Variants in PCDHGB5 observed in about 807,000 individuals in gnomAD.
PCDHGB5 encodes protocadherin gamma subfamily B, 5, also known as protocadherin gamma-B5.
Under a neutral mutation model 62.9 loss-of-function variants are expected in PCDHGB5, and 48 were observed. The ratio of observed to expected loss-of-function variants is 0.76; its 90% CI spans 0.61 to 0.97. The LOEUF is 0.97. Among genes scored for constraint, PCDHGB5 ranks in the 50% least tolerant of loss-of-function variants. The pLI is 0.00. For missense variants in PCDHGB5, 1,118 were observed against 1,198.6 expected, an observed-to-expected ratio of 0.93 and a Z score of 0.99; for synonymous variants, 474 against 511.2, an observed-to-expected ratio of 0.93 and a Z score of 0.98.
chr5:141,410,410 A>G, intron 1 of PCDHGB5: 1 of 1,613,986 alleles, frequency 6.2e-7, no homozygotes, highest in Non-Finnish European at 8.5e-7. Context: ...TCAAGTCTGG[A>G]CCTGTAGTTC....
chr5:141,476,507 A>G lies in PCDHGB5; in HGVS notation c.2398-18300A>G. 1 of 1,614,102 alleles carries G rather than the reference A, an allele frequency of 6.2e-7. No individual in the cohort carries two copies. The highest frequency in any genetic ancestry group is 8.5e-7 in the Non-Finnish European group (1 of 1,180,008). On this transcript the variant is annotated intron_variant, in intron 1 of 3. Transcript: ENST00000617380. This position sits in a 1 kb window ranked among gnomAD's most constrained non-coding sequence, Gnocchi z 7.6. Reference sequence around the variant, plus strand: ...AGTGGTGATCCAGGACATCAACGACAACAATCCTGCTTTCCCTACCCAGGA... The same window carrying G: ...AGTGGTGATCCAGGACATCAACGACGACAATCCTGCTTTCCCTACCCAGGA...
Position 141,443,643 on chromosome 5 carries a change from A to C in PCDHGB5, c.2397+43119A>C, listed in dbSNP as rs188777289. The stretch of plus-strand genomic sequence containing the variant: ...GTGATTGTAAAAATTGATCCAGATA[A>C]TGTTAGCATAGCATTTTACTGAACT... On this transcript the variant is annotated intron_variant, in intron 1 of 3. Coordinates refer to ENST00000617380, the MANE Select transcript of PCDHGB5 (RefSeq NM_018925.3). Among the ~76,000 whole-genome samples, 238 of 152,370 alleles carry C rather than the reference A, an allele frequency of 1.6e-3. 2 individuals are homozygous for C. The highest frequency in any genetic ancestry group is 2.5e-3 in the Non-Finnish European group (169 of 68,028).
In PCDHGB5 at chr5:141,412,906, T is replaced by C. The variant is rs188124118; in HGVS notation, c.2397+12382T>C. ...ACAGAATAGTTTACTTTCCATTGCA[T>C]GTATCACTTGGGTGCAGTAACTTCT... On this transcript the variant is annotated intron_variant, in intron 1 of 3. Coordinates refer to ENST00000617380, the MANE Select transcript of PCDHGB5 (RefSeq NM_018925.3). 315 of 384,208 alleles carry C rather than the reference T, an allele frequency of 8.2e-4. 2 individuals carry two copies. Among genetic ancestry groups the C allele is most frequent in the African/African-American group, 5.6e-3 (272 of 48,326 alleles). The allele number at this position is 384,208 out of a possible 1,614,324, so 23.8% of individuals were successfully genotyped here. A position where few individuals can be genotyped will look rare whatever the true frequency, so the allele number is the denominator to read the frequency against.
Position 141,400,361 on chromosome 5 carries a change from C to G in PCDHGB5, c.2234C>G (p.Pro745Arg), listed in dbSNP as rs776965891. ...CCCAACTACAGTCAGGGGACTTTGC[C>G]TTATTCCTACAACCTATGTGTTGCA... is the stretch of plus-strand genomic sequence containing the variant. Reference protein sequence around the residue: ...VPPNYSQGTLPYSYNLCVAHT... With the variant: ...VPPNYSQGTLRYSYNLCVAHT... The change falls in exon 1 of 4, where the codon CCT (proline) becomes CGT (arginine). Residue 745 changes from proline to arginine, a missense_variant. Around this residue, in one of 2 missense-constraint regions of PCDHGB5, gnomAD observed 1,034 missense variants for 1,029.1 expected, o/e 1.00. Transcript: ENST00000617380. The G allele has an allele frequency of 1.9e-6, 3 of 1,613,952 alleles. No homozygotes were observed. The highest frequency in any genetic ancestry group is 2.5e-6 in the Non-Finnish European group (3 of 1,179,920).
intron 1 of PCDHGB5, chr5:141,422,609 A>G: frequency 6.2e-7 from 1 of 1,613,882 alleles, no homozygotes; most frequent in Non-Finnish European, 8.5e-7. Context: ...TACTCTGCCT[A>G]CATTCCCGAA....
chr5:141,398,983 C>T lies in PCDHGB5; in HGVS notation c.856C>T (p.Gln286Ter), dbSNP rs2093734558. 1 of 1,613,944 alleles carries T rather than the reference C, an allele frequency of 6.2e-7. No homozygotes were observed. The change falls in exon 1 of 4, where the codon CAA (glutamine) becomes TAA (stop). Residue 286 changes from glutamine to a stop codon, truncating the protein, a stop_gained. Transcript: ENST00000617380. LOFTEE classifies it high-confidence loss of function. Reference protein sequence around the residue: ...EITYSFYRTGQIFSLNSKSGE... With the variant: ...EITYSFYRTG ...TACTTATTCCTTCTACAGAACCGGG[C>T]AAATCTTTAGTCTGAATTCAAAGAG...
At position 141,489,090 on chromosome 5, in the gene PCDHGB5, C is replaced by A; in HGVS notation, c.2398-5717C>A. On this transcript the variant is annotated intron_variant, in intron 1 of 3. Transcript: ENST00000617380. The surrounding 1 kb of genome is among the most constrained non-coding windows in gnomAD (Gnocchi z 4.5). Reference sequence around the variant, plus strand: ...CCTGCCCACCCCCGCCACTCGGTGACTAAGAACTGCTGCAAGCAGGCAAAC... The same window carrying A: ...CCTGCCCACCCCCGCCACTCGGTGAATAAGAACTGCTGCAAGCAGGCAAAC... The A allele has an allele frequency of 1.5e-5, 5 of 328,802 alleles. No individual in the cohort carries two copies. The highest frequency in any genetic ancestry group is 4.8e-5 in the East Asian group (1 of 20,928). 20.4% of individuals were successfully genotyped at this position (328,802 alleles called of 1,614,324 possible).
At chr5:141,505,352 C>CG in intron 2 of PCDHGB5, 41 bp from the exon 3 acceptor site, 1 of 1,613,302 alleles carries the variant, frequency 6.2e-7, no homozygotes, top group East Asian at 2.2e-5. Context: ...TGAGCTGTGC[C>CG]GGCCTGGGAG....
At chr5:141,423,318 G>T (rs1165459779) in intron 1 of PCDHGB5, 17 of 1,614,006 alleles carry the variant, frequency 1.1e-5, no homozygotes, top group South Asian at 8.8e-5. Context: ...TGGTGGTGGC[G>T]GTGGCCGCAG....
At chr5:141,427,378 C>T in intron 1 of PCDHGB5, 1 of 458,520 alleles carries the variant, frequency 2.2e-6, no homozygotes, top group Non-Finnish European at 4.4e-6. Context: ...ACGGTGATCA[C>T]TCTGTTCAAA....
In PCDHGB5 at chr5:141,485,244, T is replaced by C; in HGVS notation, c.2398-9563T>C. ...ACCCTTTTGTTCCTCTTTTACCACC[T>C]GGGTTACGTTTGTGGGCAGATCCGC... On this transcript the variant is annotated intron_variant, in intron 1 of 3. Transcript: ENST00000617380. This position sits in a 1 kb window ranked among gnomAD's most constrained non-coding sequence, Gnocchi z 5.7. 1 of 1,614,168 alleles carries C rather than the reference T, an allele frequency of 6.2e-7. No individual in the cohort carries two copies. Among genetic ancestry groups the C allele is most frequent in the Admixed American group, 1.7e-5 (1 of 60,016 alleles).
At chr5:141,428,020 C>T (rs1443722620) in intron 1 of PCDHGB5, 1 of 1,605,408 alleles carries the variant, frequency 6.2e-7, no homozygotes, top group Admixed American at 1.7e-5. Context: ...GTGCCACGCG[C>T]CGCAGAGTCC....
chr5:141,508,627 C>T (rs566012494), intron 3 of PCDHGB5, among the ~76,000 whole-genome samples: 1 of 152,262 alleles, frequency 6.6e-6, no homozygotes, highest in South Asian at 2.1e-4. Flanking sequence ...GTGGGCCGAG[C>T]TTCTAGCTAC....
chr5:141,407,977 G>A (rs943554200), intron 1 of PCDHGB5: 7 of 747,538 alleles, frequency 9.4e-6, no homozygotes, highest in African/African-American at 8.8e-5. Context: ...TGACGCCGGG[G>A]ATCCGTCAGC....
In PCDHGB5 at chr5:141,414,483, A is replaced by G. The variant is rs756254490; in HGVS notation, c.2397+13959A>G. 20 of 1,613,826 alleles carry G rather than the reference A, an allele frequency of 1.2e-5. No homozygotes were observed. In the Admixed American group the frequency reaches 1.8e-4, roughly 15 times the overall value. ...CCACAGATGGGGGAAGTCCTCCTCT[A>G]TCAACGGAAGCTCACTTTATGCTAC... On this transcript the variant is annotated intron_variant, in intron 1 of 3. Transcript: ENST00000617380.
In PCDHGB5 at chr5:141,398,019, A is replaced by T. The variant is rs2093601039; in HGVS notation, c.-109A>T. The T allele has an allele frequency of 7.0e-7, 1 of 1,427,024 alleles. No homozygotes were observed. Among genetic ancestry groups the T allele is most frequent in the Admixed American group, 2.6e-5 (1 of 38,374 alleles). The allele number at this position is 1,427,024 out of a possible 1,614,324, so 88.4% of individuals were successfully genotyped here. ...CCTCGGAAAAAGAATCGTTTCCTAA[A>T]CTGGAACTGGAACTAAAGCCCGTTC... On this transcript the variant is annotated 5_prime_UTR_variant, in exon 1 of 4. Transcript: ENST00000617380.
At chr5:141,400,592 G>T in intron 1 of PCDHGB5, 68 bp downstream of exon 1, 1 of 1,603,196 alleles carries the variant, frequency 6.2e-7, no homozygotes, top group Non-Finnish European at 8.5e-7. Context: ...TGAAACTATC[G>T]TACATTTTCA....
At chr5:141,438,571 T>TATAC (rs1212381177) in intron 1 of PCDHGB5, among the ~76,000 whole-genome samples, 15 of 94,542 alleles carry the variant, frequency 1.6e-4, no homozygotes, top group South Asian at 1.0e-3. Flanking sequence ...AGCTGTCTGA[T>TATAC]ATACATACAT....
Position 141,398,145 on chromosome 5 carries a change from G to A in PCDHGB5, c.18G>A (p.Gly6=). Residue 6 remains glycine, a synonymous_variant, in exon 1 of 4, where the codon GGG becomes GGA. Transcript: ENST00000617380. ...CAAGAGGGATGGGGAGCGGCGCCGG[G>A]GAGCTGGGCCGGGCTGAGAGGCTGC... is the stretch of plus-strand genomic sequence containing the variant. MGSGA[G]ELGRAERLPV... The A allele has an allele frequency of 1.3e-6, 2 of 1,520,796 alleles. No homozygotes were observed. Among genetic ancestry groups the A allele is most frequent in the Admixed American group, 4.8e-5 (2 of 41,766 alleles). The allele number at this position is 1,520,796 out of a possible 1,614,324, so 94.2% of individuals were successfully genotyped here.
Sources: allele counts gnomAD v4.1 joint callset (sites outside exome capture counted in the v4.1 genomes callset), GRCh38; gene constraint gnomAD v4.1.1; regional missense constraint gnomAD v4.1.1; non-coding constraint Gnocchi (gnomAD v3.1); transcripts MANE v1.5; gene names NCBI Gene and HGNC (gene_info 2026-07-23, HGNC 2026-07-21).